Variants in NEK1 observed in about 807,000 individuals in gnomAD.
The protein encoded by NEK1 is NIMA related kinase 1.
A neutral mutation model predicts 182.1 loss-of-function variants in NEK1; 137 were observed. The ratio of observed to expected loss-of-function variants is 0.75; its 90% CI spans 0.65 to 0.87. The LOEUF is 0.87. Ranked by LOEUF, NEK1 falls within the 40% of genes least tolerant of loss-of-function variation. The probability of loss-of-function intolerance (pLI) is 0.00; values close to 1 mark genes in which losing one functional copy is unlikely to be tolerated. For synonymous variants in NEK1, 513 were observed against 492.2 expected (o/e 1.04, Z -0.56); for missense variants, 1,391 against 1,494.4 (o/e 0.93, Z 1.14).
intron 11 of NEK1, among the ~76,000 whole-genome samples, chr4:169,579,243 C>T (rs530133990): frequency 6.6e-6 from 1 of 152,210 alleles, no homozygotes; most frequent in South Asian, 2.1e-4. Context: ...TTAAGCATTT[C>T]ATTCAACCAA....
At chr4:169,589,403 C>A in intron 7 of NEK1, 44 bp downstream of exon 7, 2 of 1,082,602 alleles carry the variant, frequency 1.8e-6, no homozygotes, top group South Asian at 1.5e-5. Flanking sequence ...ATTGAAGGTT[C>A]GCTGAAAACA....
intron 19 of NEK1, among the ~76,000 whole-genome samples, chr4:169,509,949 C>T (rs1021526852): frequency 1.3e-5 from 2 of 152,094 alleles, no homozygotes; most frequent in Non-Finnish European, 2.9e-5. Flanking sequence ...CTTCCCACAT[C>T]CATTTAATAT....
Position 169,400,553 on chromosome 4 carries a change from C to A in NEK1, c.3682G>T (p.Glu1228Ter). ...TTCTCATAAACCTCAAAGAATTTTT[C>A]AAAGCCCATTTCCTGCTCCAGATGA... The part of the protein sequence containing the change: ...RLHLEQEMGF[E>*]KFFEVYEKIK... The change falls in exon 34 of 36, where the codon GAA (glutamate) becomes TAA (stop). Residue 1228 changes from glutamate (E) to a stop codon, truncating the protein, a stop_gained. Transcript: ENST00000507142. LOFTEE classifies it high-confidence loss of function. 1 of 1,604,828 alleles carries A rather than the reference C, an allele frequency of 6.2e-7. No individual in the cohort carries two copies. The highest frequency in any genetic ancestry group is 8.5e-7 in the Non-Finnish European group (1 of 1,176,866).
At chr4:169,423,118 T>G (rs754460160) in intron 31 of NEK1, among the ~76,000 whole-genome samples, 1 of 152,356 alleles carries the variant, frequency 6.6e-6, no homozygotes, top group African/African-American at 2.4e-5. Context: ...TTATTATTTA[T>G]TTGAGACAGA....
In NEK1 at chr4:169,404,237, C is replaced by A. The variant is rs568676312; in HGVS notation, c.3374+2359G>T. 5.3e-5 allele frequency among the ~76,000 whole-genome samples: 8 copies of A among 152,066 alleles called. No homozygotes were observed. In the South Asian group the frequency reaches 1.7e-3, roughly 32 times the overall value. On this transcript the variant is annotated intron_variant, in intron 32 of 35. Coordinates refer to ENST00000507142, the MANE Select transcript of NEK1 (RefSeq NM_001199397.3). ...TGTTCTCCAATAGGATTAATAAAAA[C>A]ACAATATTTCAGTGTTTAATGACTA...
At chr4:169,495,812 A>G (rs1409337797) in intron 23 of NEK1, among the ~76,000 whole-genome samples, 3 of 152,048 alleles carry the variant, frequency 2.0e-5, no homozygotes, top group Non-Finnish European at 4.4e-5. Flanking sequence ...GTAGCCTTGT[A>G]GTATAGTTTG....
intron 18 of NEK1, among the ~76,000 whole-genome samples, chr4:169,547,305 C>G (rs1760656268): frequency 6.6e-6 from 1 of 152,218 alleles, no homozygotes; most frequent in African/African-American, 2.4e-5. Flanking sequence ...TTGACCCCCA[C>G]TCTCTTCTGG....
chr4:169,480,825 G>A (rs1397239863), intron 23 of NEK1, among the ~76,000 whole-genome samples: 1 of 152,070 alleles, frequency 6.6e-6, no homozygotes, highest in Non-Finnish European at 1.5e-5. Flanking sequence ...TGACTGTCCT[G>A]ACTCAGTCTC....
chr4:169,477,069 T>C, intron 26 of NEK1, 55 bp downstream of exon 26: 2 of 1,210,268 alleles, frequency 1.7e-6, no homozygotes, highest in South Asian at 1.6e-5. Flanking sequence ...GGTTAGTCTA[T>C]AAGTTTACAT....
intron 18 of NEK1, among the ~76,000 whole-genome samples, chr4:169,538,168 C>G (rs1436361340): frequency 6.6e-6 from 1 of 151,966 alleles, no homozygotes; most frequent in East Asian, 1.9e-4. Context: ...TTTATTTGAT[C>G]TATTCTACTT....
Position 169,612,041 on chromosome 4 carries a change from T to C in NEK1, c.-70A>G, listed in dbSNP as rs1772406048. ...TCACCTCAGTGACACAGGACGTTAG[T>C]AGGAATAACGGTGATGACTAATAAG... On this transcript the variant is annotated 5_prime_UTR_variant, in exon 2 of 36. Transcript: ENST00000507142. 1 of 152,226 alleles carries C rather than the reference T, an allele frequency of 6.6e-6. No individual in the cohort carries two copies. Among genetic ancestry groups the C allele is most frequent in the Admixed American group, 6.5e-5 (1 of 15,286 alleles). 9.4% of individuals were successfully genotyped at this position (152,226 alleles called of 1,614,324 possible). A position where few individuals can be genotyped will look rare whatever the true frequency, so the allele number is the denominator to read the frequency against.
At chr4:169,580,743 C>T in intron 11 of NEK1, 99 bp downstream of exon 11, 2 of 734,148 alleles carry the variant, frequency 2.7e-6, no homozygotes, top group Non-Finnish European at 4.7e-6. Flanking sequence ...TAAATTTATC[C>T]TAGAATTATC....
intron 27 of NEK1, among the ~76,000 whole-genome samples, chr4:169,452,574 C>T (rs541915876): frequency 1.3e-5 from 2 of 152,300 alleles, no homozygotes; most frequent in South Asian, 2.1e-4. Context: ...ACATGATTAT[C>T]TCAATAGATG....
At chr4:169,566,184 A>C (rs559551409) in intron 12 of NEK1, among the ~76,000 whole-genome samples, 1 of 152,222 alleles carries the variant, frequency 6.6e-6, no homozygotes, top group Non-Finnish European at 1.5e-5. Context: ...TGGATTATAT[A>C]TATATTACAC....
chr4:169,611,608 TACA>T (rs1772335787), intron 2 of NEK1, among the ~76,000 whole-genome samples: 1 of 152,208 alleles, frequency 6.6e-6, no homozygotes, highest in African/African-American at 2.4e-5. Flanking sequence ...CTTAAAGTAG[TACA>T]ACAATTAATG....
At chr4:169,583,821 C>T (rs1767079521) in intron 10 of NEK1, among the ~76,000 whole-genome samples, 1 of 152,290 alleles carries the variant, frequency 6.6e-6, no homozygotes, top group East Asian at 1.9e-4. Context: ...ATACAAGTAA[C>T]CTTTAATCTC....
intron 12 of NEK1, 85 bp downstream of exon 12, chr4:169,576,843 A>T: frequency 8.0e-7 from 1 of 1,253,562 alleles, no homozygotes; most frequent in Non-Finnish European, 1.1e-6. Flanking sequence ...GTAATCCTAT[A>T]ATATCAAGGT....
At chr4:169,531,477 C>CATATATATTATGTATACATATATT (rs1757666392) in intron 19 of NEK1, among the ~76,000 whole-genome samples, 1 of 150,598 alleles carries the variant, frequency 6.6e-6, no homozygotes, top group African/African-American at 2.4e-5. Flanking sequence ...ATATGTATTA[C>CATATATATTATGTATACATATATT]ATATATATTA....
intron 19 of NEK1, among the ~76,000 whole-genome samples, chr4:169,522,074 C>T (rs1756157452): frequency 6.6e-6 from 1 of 152,138 alleles, no homozygotes; most frequent in Admixed American, 6.5e-5. Flanking sequence ...TTTTTACTCT[C>T]TGTTGTTCAG....
Sources: allele counts gnomAD v4.1 joint callset (sites outside exome capture counted in the v4.1 genomes callset), GRCh38; gene constraint gnomAD v4.1.1; transcripts MANE v1.5; gene names NCBI Gene and HGNC (gene_info 2026-07-23, HGNC 2026-07-21).